CELF2: variants seen among roughly 807,000 people sequenced by gnomAD.
CELF2 encodes CUG triplet repeat RNA-binding protein 2.
Under a neutral mutation model 62.6 loss-of-function variants are expected in CELF2, and 8 were observed. The observed-to-expected ratio is 0.13, with a 90% confidence interval of 0.07 to 0.23. CELF2 has a LOEUF of 0.23. CELF2 is among the 10% of genes least tolerant of loss of function. The pLI, the probability that CELF2 is intolerant of heterozygous loss-of-function variation, is 1.00. For synonymous variants in CELF2, 258 were observed against 250.0 expected (o/e 1.03, Z -0.30); for missense variants, 333 against 671.0 (o/e 0.50, Z 5.56).
At position 11,211,811 on chromosome 10, in the gene CELF2, A is replaced by AGT. The variant is rs781275493; in HGVS notation, c.272-5613_272-5612insTG. ...GTGTGTGAGAGAGAGAGAGAGAGAG[A>AGT]GAGTGTGTGTGTGTGTGTGTGTGTG... On this transcript the variant is annotated intron_variant, in intron 2 of 12. Coordinates refer to ENST00000633077, the MANE Select transcript of CELF2 (RefSeq NM_001326342.2). The surrounding 1 kb of genome is among the most constrained non-coding windows in gnomAD (Gnocchi z 4.8). 9.6e-4 allele frequency among the ~76,000 whole-genome samples: 54 copies of AGT among 56,128 alleles called. No individual in the cohort carries two copies. Among genetic ancestry groups the AGT allele is most frequent in the Non-Finnish European group, 1.3e-3 (30 of 23,624 alleles). The allele number at this position is 56,128 out of a possible 152,430, so 36.8% of individuals were successfully genotyped here. A position where few individuals can be genotyped will look rare whatever the true frequency, so the allele number is the denominator to read the frequency against.
chr10:11,130,602 C>G (rs1355630999), intron 1 of CELF2, among the ~76,000 whole-genome samples: 2 of 151,866 alleles, frequency 1.3e-5, no homozygotes, highest in African/African-American at 4.8e-5. Flanking sequence ...GATGTTTTTC[C>G]CATTTCTAAC....
At chr10:10,537,786 A>G in the CELF2 span, among the ~76,000 whole-genome samples, 1 of 152,130 alleles carries the variant, frequency 6.6e-6, no homozygotes, top group Non-Finnish European at 1.5e-5. Context: ...CCCCATGAAC[A>G]ACTGACATTT....
chr10:11,209,196 G>T (rs2061177589), intron 2 of CELF2, among the ~76,000 whole-genome samples: 1 of 152,160 alleles, frequency 6.6e-6, no homozygotes, highest in African/African-American at 2.4e-5. Flanking sequence ...TTACAGGCAG[G>T]AATACGTGAG....
At chr10:10,639,108 C>T in the CELF2 span, among the ~76,000 whole-genome samples, 24 of 152,176 alleles carry the variant, frequency 1.6e-4, no homozygotes, top group Non-Finnish European at 3.5e-4. Context: ...ATTCTGTTAA[C>T]CACTATATAA....
At chr10:10,536,081 G>A in the CELF2 span, among the ~76,000 whole-genome samples, 1 of 148,932 alleles carries the variant, frequency 6.7e-6, no homozygotes, top group African/African-American at 2.5e-5. Context: ...GTGCAGTGGT[G>A]CGATCTCGAC....
rs2066927888 is a variant in CELF2, at chr10:11,165,807, T to A, written c.271+125T>A. 2 of 877,440 alleles carry A rather than the reference T, an allele frequency of 2.3e-6. No individual in the cohort carries two copies. The highest frequency in any genetic ancestry group is 3.4e-6 in the Non-Finnish European group (2 of 592,566). The allele number at this position is 877,440 out of a possible 1,614,324, so 54.4% of individuals were successfully genotyped here. On this transcript the variant is annotated intron_variant, in intron 2 of 12. Transcript: ENST00000633077. This position sits in a 1 kb window ranked among gnomAD's most constrained non-coding sequence, Gnocchi z 7.4. ...CAGGAGGGCTGGAAGCAGCCGGTGC[T>A]GGCGGCCCCTGTGCTCCAGGGGCTG...
chr10:11,173,841 G>C (rs1453621934), intron 2 of CELF2, among the ~76,000 whole-genome samples: 1 of 152,192 alleles, frequency 6.6e-6, no homozygotes, highest in Non-Finnish European at 1.5e-5. Context: ...GGGCTGGAAA[G>C]ATAATTGACC....
intron 1 of CELF2, among the ~76,000 whole-genome samples, chr10:10,855,924 T>C (rs908241169): frequency 4.6e-5 from 7 of 151,868 alleles, no homozygotes; most frequent in Non-Finnish European, 1.0e-4. Context: ...GACCCCACAG[T>C]GAACAAAAGA....
At chr10:10,647,356 C>G in the CELF2 span, among the ~76,000 whole-genome samples, 1 of 152,212 alleles carries the variant, frequency 6.6e-6, no homozygotes, top group Non-Finnish European at 1.5e-5. Context: ...GGACACCCTC[C>G]CTGCCTTTAC....
chr10:11,323,318 T>A (rs1456679871), intron 11 of CELF2, among the ~76,000 whole-genome samples: 1 of 152,084 alleles, frequency 6.6e-6, no homozygotes, highest in Non-Finnish European at 1.5e-5. Flanking sequence ...AACTCTCTTC[T>A]GATCCCTTTC....
chr10:10,740,016 A>G, the CELF2 span, among the ~76,000 whole-genome samples: 1 of 152,062 alleles, frequency 6.6e-6, no homozygotes, highest in Non-Finnish European at 1.5e-5. Flanking sequence ...TTGGATATTA[A>G]GCCCTTATTA....
chr10:11,304,354 TC>T (rs1194622819), intron 9 of CELF2, among the ~76,000 whole-genome samples: 1 of 152,042 alleles, frequency 6.6e-6, no homozygotes, highest in African/African-American at 2.4e-5. Flanking sequence ...CACAATAACC[TC>T]CCCCATCTCA....
the CELF2 span, among the ~76,000 whole-genome samples, chr10:10,696,377 C>A: frequency 1.2e-4 from 18 of 151,748 alleles, no homozygotes; most frequent in South Asian, 1.3e-3. Context: ...TCTCCAGCTG[C>A]ATGCTGGGAG....
At position 11,296,397 on chromosome 10, in the gene CELF2, A is replaced by G. The variant is rs141479134; in HGVS notation, c.976+7845A>G. On this transcript the variant is annotated intron_variant, in intron 9 of 12. Coordinates refer to ENST00000633077, the MANE Select transcript of CELF2 (RefSeq NM_001326342.2). The surrounding 1 kb of genome is among the most constrained non-coding windows in gnomAD (Gnocchi z 5.0). Reference sequence around the variant, plus strand: ...GTTTTCTGTCCAGCCACTTAATGAGATTTTTTATTCTCACTAAATCACAGA... The same window carrying G: ...GTTTTCTGTCCAGCCACTTAATGAGGTTTTTTATTCTCACTAAATCACAGA... 7.6e-4 allele frequency among the ~76,000 whole-genome samples: 116 copies of G among 152,126 alleles called. No homozygotes were observed. The highest frequency in any genetic ancestry group is 6.8e-3 in the Middle Eastern group (2 of 294).
intron 1 of CELF2, among the ~76,000 whole-genome samples, chr10:10,854,639 A>G (rs556321293): frequency 6.6e-6 from 1 of 151,738 alleles, no homozygotes; most frequent in African/African-American, 2.4e-5. Flanking sequence ...CTCTCTCCCC[A>G]TTTCTCTGCT....
chr10:10,695,962 G>A, the CELF2 span, among the ~76,000 whole-genome samples: 1,141 of 149,808 alleles, frequency 7.6e-3, 15 homozygotes, highest in African/African-American at 0.026. Flanking sequence ...ATGTCCTCCC[G>A]TAGCTCAGAG....
the CELF2 span, among the ~76,000 whole-genome samples, chr10:10,500,704 C>T: frequency 4.6e-5 from 7 of 152,208 alleles, 1 homozygote; most frequent in South Asian, 4.2e-4. Context: ...ACATCACAAC[C>T]GGGATGCTGA....
chr10:10,507,670 A>G, the CELF2 span, among the ~76,000 whole-genome samples: 1 of 152,192 alleles, frequency 6.6e-6, no homozygotes, highest in Non-Finnish European at 1.5e-5. Flanking sequence ...CAGGATGGAA[A>G]GGAGAGGAAT....
Position 10,921,628 on chromosome 10 carries a change from GGA to G in CELF2, c.89+1635_89+1636del, listed in dbSNP as rs1374010198. Among the ~76,000 whole-genome samples the G allele has an allele frequency of 6.6e-5, 10 of 152,260 alleles. No individual in the cohort carries two copies. The East Asian group carries it at 1.9e-3, about 29-fold the overall frequency. ...TCATCTAAATGTGCAGAAGACATCAGGAGAGAGGGGAAGAGGACGGAGTCCCT... is the reference window on the plus strand; with the variant it reads ...TCATCTAAATGTGCAGAAGACATCAGGAGAGGGGAAGAGGACGGAGTCCCT... On this transcript the variant is annotated intron_variant, in intron 2 of 13. Transcript: ENST00000636488.
Sources: allele counts gnomAD v4.1 joint callset (sites outside exome capture counted in the v4.1 genomes callset), GRCh38; gene constraint gnomAD v4.1.1; non-coding constraint Gnocchi (gnomAD v3.1); transcripts MANE v1.5; gene names NCBI Gene and HGNC (gene_info 2026-07-23, HGNC 2026-07-21).